The following DAPK3 variants were observed in gnomAD, a reference collection of about 807,000 sequenced individuals.
DAPK3 encodes death associated protein kinase 3.
Under a neutral mutation model 30.6 loss-of-function variants are expected in DAPK3, and 24 were observed. The observed-to-expected ratio is 0.78, with a 90% CI of 0.57 to 1.10. DAPK3 has a LOEUF of 1.10. Ranked by LOEUF, DAPK3 falls within the 50% of genes least tolerant of loss-of-function variation. The probability of loss-of-function intolerance (pLI) is 0.00; values close to 1 mark genes in which losing one functional copy is unlikely to be tolerated. For missense variants in DAPK3, 629 were observed against 657.3 expected (o/e 0.96, Z 0.47); for synonymous variants, 341 against 284.0 (o/e 1.20, Z -2.02).
In DAPK3 at chr19:3,958,710, G is replaced by C. The variant is rs10419272; in HGVS notation, c.*391C>G. ...TCCTCCTGGGCTAATGGCAGCAACA[G>C]GCAGCACCCCGCCGAATTGTCCGTG... On this transcript the variant is annotated 3_prime_UTR_variant, in exon 9 of 9. Transcript: ENST00000545797. 72,244 of 354,720 alleles carry C rather than the reference G, an allele frequency of 0.2. 7,838 individuals are homozygous for C. Among genetic ancestry groups the C allele is most frequent in the African/African-American group, 0.32 (14,823 of 46,126 alleles). The allele number at this position is 354,720 out of a possible 1,614,324, so 22.0% of individuals were successfully genotyped here.
Position 3,958,827 on chromosome 19 carries a change from A to G in DAPK3, c.*274T>C. The G allele has an allele frequency of 1.7e-6, 1 of 571,932 alleles. No homozygotes were observed. The highest frequency in any genetic ancestry group is 3.1e-6 in the Non-Finnish European group (1 of 319,990). The allele number at this position is 571,932 out of a possible 1,614,324, so 35.4% of individuals were successfully genotyped here. ...TGGGTCCCAACCCTCACGGTGCCACAGGCCACGCTGCCTGGAGGGTCCCAG... is the reference window on the plus strand; with the variant it reads ...TGGGTCCCAACCCTCACGGTGCCACGGGCCACGCTGCCTGGAGGGTCCCAG... On this transcript the variant is annotated 3_prime_UTR_variant, in exon 9 of 9. Coordinates refer to ENST00000545797, the MANE Select transcript of DAPK3 (RefSeq NM_001348.3).
chr19:3,959,241 G>C lies in DAPK3; in HGVS notation c.1225C>G (p.Leu409Val). 1.2e-6 allele frequency: 2 copies of C among 1,600,196 alleles called. No homozygotes were observed. Among genetic ancestry groups the C allele is most frequent in the South Asian group, 2.2e-5 (2 of 90,610 alleles). The change falls in exon 9 of 9, where the codon CTC becomes GTC. Residue 409 changes from leucine to valine, a missense_variant. Leu to Val is a conservative substitution (Grantham distance 32). Transcript: ENST00000545797. Reference protein sequence around the residue: ...AKGALLGTSGLKRRFSRLENR... With the variant: ...AKGALLGTSGVKRRFSRLENR... ...TCCAGGCGGCTGAAGCGGCGCTTGAGGCCGCTGGTCCCCAGCAGCGCGCCC... is the reference window on the plus strand; with the variant it reads ...TCCAGGCGGCTGAAGCGGCGCTTGACGCCGCTGGTCCCCAGCAGCGCGCCC...
chr19:3,964,023 G>C (rs2145335280), intron 4 of DAPK3, 104 bp from the exon 5 acceptor site: 3 of 875,228 alleles, frequency 3.4e-6, no homozygotes, highest in South Asian at 2.9e-5. Context: ...CGCAGCCCTT[G>C]GGGGCATGAA....
In DAPK3 at chr19:3,964,974, A is replaced by ACTTGCCGGCACTGC; in HGVS notation, c.79_80insGCAGTGCCGGCAAG (p.Val27GlyfsTer35). ...CGTGCCCTTCTGCCGGCACTTCCGCACGATCGCAAACTGGCCGCTGGAGGA... is the reference window on the plus strand; with the variant it reads ...CGTGCCCTTCTGCCGGCACTTCCGCACTTGCCGGCACTGCCGATCGCAAACTGGCCGCTGGAGGA... On this transcript the variant is annotated frameshift_variant, in exon 3 of 9. Transcript: ENST00000545797. LOFTEE classifies it high-confidence loss of function. 1 of 1,602,558 alleles carries ACTTGCCGGCACTGC rather than the reference A, an allele frequency of 6.2e-7. No individual in the cohort carries two copies. The highest frequency in any genetic ancestry group is 8.5e-7 in the Non-Finnish European group (1 of 1,172,356).
chr19:3,959,928 C>A, intron 8 of DAPK3, 131 bp downstream of exon 8: 1 of 737,498 alleles, frequency 1.4e-6, no homozygotes, highest in Non-Finnish European at 2.4e-6. Context: ...CACAGGCTCA[C>A]TCCTCTGGGG....
chr19:3,967,686 C>T lies in DAPK3; in HGVS notation c.62+1988G>A, dbSNP rs138602406. ...AGGAGAATCACTTGAACCCGGGAGG[C>T]GAAGATTGCAGTGAGCCAAGATGGC... On this transcript the variant is annotated intron_variant, in intron 2 of 8. Transcript: ENST00000545797. 1.9e-4 allele frequency among the ~76,000 whole-genome samples: 29 copies of T among 152,294 alleles called. No homozygotes were observed. In the East Asian group the frequency reaches 4.4e-3, roughly 23 times the overall value.
chr19:3,968,018 G>A (rs1418208643), intron 2 of DAPK3, among the ~76,000 whole-genome samples: 5 of 152,176 alleles, frequency 3.3e-5, no homozygotes, highest in Admixed American at 3.3e-4. Flanking sequence ...TGAGAGATGG[G>A]GGTCAACTTA....
At chr19:3,966,541 G>A (rs1036098185) in intron 2 of DAPK3, among the ~76,000 whole-genome samples, 3 of 152,174 alleles carry the variant, frequency 2.0e-5, no homozygotes, top group Admixed American at 6.5e-5. Context: ...TACCTAAGAA[G>A]CCTGCCTAAG....
chr19:3,958,846 G>A lies in DAPK3; in HGVS notation c.*255C>T. The A allele has an allele frequency of 5.2e-6, 3 of 580,746 alleles. No homozygotes were observed. The highest frequency in any genetic ancestry group is 9.2e-6 in the Non-Finnish European group (3 of 326,150). 36.0% of individuals were successfully genotyped at this position (580,746 alleles called of 1,614,324 possible). A position where few individuals can be genotyped will look rare whatever the true frequency, so the allele number is the denominator to read the frequency against. ...TGCCACAGGCCACGCTGCCTGGAGG[G>A]TCCCAGGGTCACCGACGATGCAGGG... On this transcript the variant is annotated 3_prime_UTR_variant, in exon 9 of 9. Coordinates refer to ENST00000545797, the MANE Select transcript of DAPK3 (RefSeq NM_001348.3).
chr19:3,960,911 G>C (rs576017251), intron 7 of DAPK3, 98 bp downstream of exon 7: 1 of 1,303,938 alleles, frequency 7.7e-7, no homozygotes, highest in African/African-American at 1.4e-5. Flanking sequence ...CCCAGCCGCA[G>C]GGAGGTGGCG....
intron 6 of DAPK3, 137 bp from the exon 7 acceptor site, chr19:3,961,298 C>G: frequency 5.3e-6 from 4 of 754,514 alleles, no homozygotes; most frequent in South Asian, 4.5e-5. Flanking sequence ...CTCCTGAGCC[C>G]TTAGAACCTT....
intron 6 of DAPK3, chr19:3,961,423 G>A (rs760931157): frequency 3.2e-6 from 2 of 616,164 alleles, no homozygotes; most frequent in Non-Finnish European, 6.4e-6. Context: ...CGAAGTATCT[G>A]TGCAGACGCA....
In DAPK3 at chr19:3,964,245, C is replaced by T. The variant is rs1266961103; in HGVS notation, c.552G>A (p.Val184=). The change falls in exon 4 of 9, where the codon GTG becomes GTA. Residue 184 remains valine (V), a splice_region_variant and synonymous_variant. Transcript: ENST00000545797. ...FKNIFGTPEF[V]APEIVNYEPL... ...GCTGCCCACTGGGCAGGGCCTCACCCACAAACTCCGGGGTGCCGAAGATGT... is the reference window on the plus strand; with the variant it reads ...GCTGCCCACTGGGCAGGGCCTCACCTACAAACTCCGGGGTGCCGAAGATGT... 3.1e-6 allele frequency: 5 copies of T among 1,609,660 alleles called. No homozygotes were observed. Among genetic ancestry groups the T allele is most frequent in the Non-Finnish European group, 4.2e-6 (5 of 1,177,010 alleles).
intron 2 of DAPK3, among the ~76,000 whole-genome samples, chr19:3,966,851 A>T (rs75891646): frequency 6.6e-6 from 1 of 152,184 alleles, no homozygotes; most frequent in Non-Finnish European, 1.5e-5. Flanking sequence ...CCCCGGTCTC[A>T]CTGGCCACAG....
At chr19:3,961,264 C>G in intron 6 of DAPK3, 103 bp from the exon 7 acceptor site, 6 of 942,476 alleles carry the variant, frequency 6.4e-6, no homozygotes, top group Non-Finnish European at 1.0e-5. Flanking sequence ...GACAGGCTGA[C>G]GGCAGGTGCC....
intron 8 of DAPK3, 165 bp from the exon 9 acceptor site, chr19:3,959,802 G>A: frequency 1.2e-6 from 1 of 817,706 alleles, no homozygotes; most frequent in East Asian, 2.7e-5. Flanking sequence ...GCTCTCTCGA[G>A]AAAAACGCTG....
intron 2 of DAPK3, among the ~76,000 whole-genome samples, chr19:3,967,606 T>C (rs950513325): frequency 2.0e-5 from 3 of 152,020 alleles, no homozygotes; most frequent in Non-Finnish European, 4.4e-5. Context: ...AATACAAAAA[T>C]TAGCTGAGCA....
chr19:3,968,287 T>C (rs1599183446), intron 2 of DAPK3, among the ~76,000 whole-genome samples: 1 of 152,062 alleles, frequency 6.6e-6, no homozygotes, highest in South Asian at 2.1e-4. Context: ...CTGAGGTCAG[T>C]AGTTCGAGAC....
chr19:3,961,386 G>A (rs1424380464), intron 6 of DAPK3: 1 of 691,186 alleles, frequency 1.4e-6, no homozygotes, highest in Non-Finnish European at 2.8e-6. Flanking sequence ...CAGCAGAAAT[G>A]AACAGGCAGA....
Sources: allele counts gnomAD v4.1 joint callset (sites outside exome capture counted in the v4.1 genomes callset), GRCh38; gene constraint gnomAD v4.1.1; transcripts MANE v1.5; gene names NCBI Gene and HGNC (gene_info 2026-07-23, HGNC 2026-07-21).